WEE1: variants seen among roughly 807,000 people sequenced by gnomAD.
WEE1 encodes WEE1 G2 checkpoint kinase.
A neutral mutation model predicts 68.8 loss-of-function variants in WEE1; 16 were observed. The ratio of observed to expected loss-of-function variants is 0.23; its 90% CI spans 0.16 to 0.35. WEE1 has a LOEUF of 0.35. Among genes scored for constraint, WEE1 ranks in the 10% least tolerant of loss-of-function variants. WEE1 has a pLI of 1.00. For missense variants in WEE1, 651 were observed against 824.1 expected (o/e 0.79, Z 2.57); for synonymous variants, 349 against 318.7 (o/e 1.09, Z -1.01).
chr11:9,585,567 C>A, intron 8 of WEE1, 40 bp downstream of exon 8: 6 of 1,427,380 alleles, frequency 4.2e-6, no homozygotes, highest in Non-Finnish European at 5.7e-6. Flanking sequence ...TGCTTTGTAA[C>A]ACTTAGCAGT....
chr11:9,573,855 G>T lies in WEE1; in HGVS notation c.-79G>T. On this transcript the variant is annotated 5_prime_UTR_variant, in exon 1 of 11. Transcript: ENST00000450114. ...TAGGCGCGCCCAGCCGCACGTGGCG[G>T]ACCCGCCCCCAGGCCCGCAGTGTCC... 2 of 1,158,844 alleles carry T rather than the reference G, an allele frequency of 1.7e-6. No individual in the cohort carries two copies. Among genetic ancestry groups the T allele is most frequent in the South Asian group, 8.6e-5 (2 of 23,264 alleles). The allele number at this position is 1,158,844 out of a possible 1,614,324, so 71.8% of individuals were successfully genotyped here. A position where few individuals can be genotyped will look rare whatever the true frequency, so the allele number is the denominator to read the frequency against.
In WEE1 at chr11:9,576,558, C is replaced by T; in HGVS notation, c.918C>T (p.Gly306=). 2 of 1,614,002 alleles carry T rather than the reference C, an allele frequency of 1.2e-6. No individual in the cohort carries two copies. The highest frequency in any genetic ancestry group is 1.7e-6 in the Non-Finnish European group (2 of 1,179,940). The change falls in exon 4 of 11, where the codon GGC becomes GGT. Residue 306 remains glycine (G), a synonymous_variant. Coordinates refer to ENST00000450114, the MANE Select transcript of WEE1 (RefSeq NM_003390.4). The surrounding 1 kb of genome is among the most constrained non-coding windows in gnomAD (Gnocchi z 4.3). ...TTEFHELEKI[G]SGEFGSVFKC... ...AATTTCATGAGCTAGAGAAAATCGGCTCTGGAGAATTTGGTTCTGTATTTA... is the reference window on the plus strand; with the variant it reads ...AATTTCATGAGCTAGAGAAAATCGGTTCTGGAGAATTTGGTTCTGTATTTA...
At chr11:9,577,598 A>T (rs1467041475) in intron 5 of WEE1, 1 of 326,244 alleles carries the variant, frequency 3.1e-6, no homozygotes, top group Non-Finnish European at 5.9e-6. Flanking sequence ...GTTAAGTTGA[A>T]TAGATTCTTC....
intron 1 of WEE1, 176 bp from the exon 2 acceptor site, chr11:9,575,712 C>T: frequency 1.6e-6 from 1 of 606,366 alleles, no homozygotes. Flanking sequence ...AGTTAATATC[C>T]AGCTTCAGTC....
At position 9,589,824 on chromosome 11, in the gene WEE1, G is replaced by T; in HGVS notation, c.*1222G>T. ...CTCTATTATTGCTATACTATAAAAT[G>T]TATAGTGTGTATAATGTACTATTAT... On this transcript the variant is annotated 3_prime_UTR_variant, in exon 11 of 11. Transcript: ENST00000450114. The T allele has an allele frequency of 1.6e-5, 9 of 577,274 alleles. No individual in the cohort carries two copies. The highest frequency in any genetic ancestry group is 1.8e-5 in the Non-Finnish European group (8 of 456,868). 35.8% of individuals were successfully genotyped at this position (577,274 alleles called of 1,614,324 possible). A position where few individuals can be genotyped will look rare whatever the true frequency, so the allele number is the denominator to read the frequency against.
intron 1 of WEE1, chr11:9,575,061 G>A: frequency 1.0e-6 from 1 of 985,682 alleles, no homozygotes; most frequent in Non-Finnish European, 1.2e-6. Flanking sequence ...GGCCTTCCAA[G>A]CATTTACAGT....
intron 6 of WEE1, among the ~76,000 whole-genome samples, chr11:9,584,982 A>G (rs1037513676): frequency 3.3e-5 from 5 of 152,156 alleles, no homozygotes; most frequent in Admixed American, 6.6e-5. Flanking sequence ...TGAATGAAGC[A>G]TGAGAATTGC....
chr11:9,575,069 A>G (rs1438745550), intron 1 of WEE1: 1 of 985,442 alleles, frequency 1.0e-6, no homozygotes, highest in Non-Finnish European at 1.2e-6. Context: ...AAGCATTTAC[A>G]GTCCTACAGA....
intron 5 of WEE1, chr11:9,577,852 T>C (rs1283284740): frequency 2.2e-6 from 1 of 456,214 alleles, no homozygotes; most frequent in Admixed American, 2.3e-5. Context: ...AAAACAGGCA[T>C]GTATAGATTC....
rs78406608 is a variant in WEE1, at chr11:9,586,095, G to A, written c.1471-354G>A. ...TGTATATATATGTTTGCTTTATCAC[G>A]TATATGTGTATTTGTAACTTGTCAG... On this transcript the variant is annotated intron_variant, in intron 8 of 10. Transcript: ENST00000450114. 6.1e-3 allele frequency among the ~76,000 whole-genome samples: 928 copies of A among 152,216 alleles called. 4 individuals carry two copies. The highest frequency in any genetic ancestry group is 0.027 in the Middle Eastern group (8 of 294).
Position 9,588,935 on chromosome 11 carries a change from C to T in WEE1, c.*333C>T, listed in dbSNP as rs1270284796. 1 of 993,110 alleles carries T rather than the reference C, an allele frequency of 1.0e-6. No individual in the cohort carries two copies. The allele number at this position is 993,110 out of a possible 1,614,324, so 61.5% of individuals were successfully genotyped here. A position where few individuals can be genotyped will look rare whatever the true frequency, so the allele number is the denominator to read the frequency against. The stretch of plus-strand genomic sequence containing the variant: ...TCCCTGTAGTGACCTGTAAAAAGTA[C>T]TCAAGGGCTTTATTACAGACATACC... On this transcript the variant is annotated 3_prime_UTR_variant, in exon 11 of 11. Transcript: ENST00000450114.
intron 6 of WEE1, 33 bp from the exon 7 acceptor site, chr11:9,585,225 T>C (rs1192080845): frequency 2.8e-6 from 4 of 1,447,512 alleles, no homozygotes; most frequent in Admixed American, 1.7e-5. Context: ...TTTATTATTA[T>C]TAGTTTGGCT....
chr11:9,583,800 CACATATATATATATAT>C lies in WEE1; in HGVS notation c.1289-1456_1289-1441del, dbSNP rs1441054363. Among the ~76,000 whole-genome samples, 120 of 18,120 alleles carry C rather than the reference CACATATATATATATAT, an allele frequency of 6.6e-3. 1 individual carries two copies. The highest frequency in any genetic ancestry group is 0.012 in the Admixed American group (24 of 1,932). The allele number at this position is 18,120 out of a possible 152,430, so 11.9% of individuals were successfully genotyped here. The stretch of plus-strand genomic sequence containing the variant: ...ACACACACACACACACACACACACA[CACATATATATATATAT>C]ATATATATATATATATATATATATA... On this transcript the variant is annotated intron_variant, in intron 6 of 10. Coordinates refer to ENST00000450114, the MANE Select transcript of WEE1 (RefSeq NM_003390.4).
At chr11:9,575,073 C>A in intron 1 of WEE1, 2 of 985,548 alleles carry the variant, frequency 2.0e-6, no homozygotes, top group Non-Finnish European at 2.4e-6. Flanking sequence ...ATTTACAGTC[C>A]TACAGACTCA....
At position 9,589,891 on chromosome 11, in the gene WEE1, T is replaced by G. The variant is rs1849744440; in HGVS notation, c.*1289T>G. 1 of 179,106 alleles carries G rather than the reference T, an allele frequency of 5.6e-6. No homozygotes were observed. Among genetic ancestry groups the G allele is most frequent in the Non-Finnish European group, 1.1e-5 (1 of 92,676 alleles). 11.1% of individuals were successfully genotyped at this position (179,106 alleles called of 1,614,324 possible). ...TTTTGATTGAATATGAATATCACAT[T>G]GCATGTTATGCATGTGACTTGCTAG... On this transcript the variant is annotated 3_prime_UTR_variant, in exon 11 of 11. Transcript: ENST00000450114.
At position 9,573,919 on chromosome 11, in the gene WEE1, G is replaced by A. The variant is rs1277463799; in HGVS notation, c.-15G>A. The A allele has an allele frequency of 5.6e-6, 7 of 1,255,838 alleles. No individual in the cohort carries two copies. Among genetic ancestry groups the A allele is most frequent in the Non-Finnish European group, 5.0e-6 (5 of 1,001,574 alleles). 77.8% of individuals were successfully genotyped at this position (1,255,838 alleles called of 1,614,324 possible). Reference sequence around the variant, plus strand: ...CCTCCGCTCTCCTGTCCTCGGCCCCGTCCCCAGGGCCGCGATGAGCTTCCT... The same window carrying A: ...CCTCCGCTCTCCTGTCCTCGGCCCCATCCCCAGGGCCGCGATGAGCTTCCT... On this transcript the variant is annotated 5_prime_UTR_variant, in exon 1 of 11. Transcript: ENST00000450114.
Position 9,588,684 on chromosome 11 carries a change from TA to T in WEE1, c.*83del. ...TCACTGATAGAATCCAGTTTGCAAT[TA>T]CTTTCTCGATTGGTGTCAGTAGTTT... On this transcript the variant is annotated 3_prime_UTR_variant, in exon 11 of 11. Transcript: ENST00000450114. 3 of 1,404,650 alleles carry T rather than the reference TA, an allele frequency of 2.1e-6. No individual in the cohort carries two copies. The highest frequency in any genetic ancestry group is 2.8e-6 in the Non-Finnish European group (3 of 1,078,734). 87.0% of individuals were successfully genotyped at this position (1,404,650 alleles called of 1,614,324 possible).
At chr11:9,584,089 G>A (rs907500713) in intron 6 of WEE1, among the ~76,000 whole-genome samples, 5 of 151,218 alleles carry the variant, frequency 3.3e-5, no homozygotes, top group Non-Finnish European at 5.9e-5. Flanking sequence ...CAAGTGATCC[G>A]CCCACCTTGG....
At chr11:9,583,205 C>G (rs373634416) in intron 6 of WEE1, among the ~76,000 whole-genome samples, 7 of 151,880 alleles carry the variant, frequency 4.6e-5, no homozygotes, top group African/African-American at 7.3e-5. Flanking sequence ...CCTAGTTACT[C>G]GGGAGGCTGA....
Sources: gnomAD v4.1 joint callset for allele counts (sites outside exome capture counted in the v4.1 genomes callset) on GRCh38, gnomAD v4.1.1 for gene constraint, Gnocchi (gnomAD v3.1) non-coding constraint, MANE v1.5 for transcripts, NCBI Gene and HGNC (gene_info 2026-07-23, HGNC 2026-07-21) for gene names.